The following GALNT16 variants were observed in gnomAD, a reference collection of about 807,000 sequenced individuals.
GALNT16 encodes the protein polypeptide N-acetylgalactosaminyltransferase 16.
Under a neutral mutation model 76.1 loss-of-function variants are expected in GALNT16, and 40 were observed. That is an observed-to-expected ratio of 0.53 (90% confidence interval 0.41 to 0.68). The LOEUF is 0.68. Among genes scored for constraint, GALNT16 ranks in the 30% least tolerant of loss-of-function variants. The probability of loss-of-function intolerance (pLI) is 0.00; values close to 1 mark genes in which losing one functional copy is unlikely to be tolerated. For synonymous variants in GALNT16, 276 were observed against 285.2 expected, an observed-to-expected ratio of 0.97 and a Z score of 0.32; for missense variants, 621 against 731.9, an observed-to-expected ratio of 0.85 and a Z score of 1.75.
chr14:69,339,698 C>G (rs562472160), intron 11 of GALNT16, 79 bp downstream of exon 11: 3 of 856,896 alleles, frequency 3.5e-6, no homozygotes, highest in South Asian at 1.7e-5. Context: ...GTGGTATGTA[C>G]GCCAGGGAAC....
Position 69,285,230 on chromosome 14 carries a change from C to T in GALNT16, c.177+24763C>T, listed in dbSNP as rs980859917. Among the ~76,000 whole-genome samples, 18 of 152,068 alleles carry T rather than the reference C, an allele frequency of 1.2e-4. No homozygotes were observed. In the South Asian group the frequency reaches 1.7e-3, roughly 14 times the overall value. ...TAATTTTTTGTATTTTTAGTAGAGA[C>T]GGGGTTTCACCGTGTTAGCCAGGAT... is the stretch of plus-strand genomic sequence containing the variant. On this transcript the variant is annotated intron_variant, in intron 1 of 14. Coordinates refer to ENST00000448469, the MANE Select transcript of GALNT16 (RefSeq NM_001168368.2).
chr14:69,380,491 A>G, the GALNT16 span: 1 of 1,065,062 alleles, frequency 9.4e-7, no homozygotes, highest in South Asian at 1.3e-5. Flanking sequence ...CGCTGTACAC[A>G]CCTGTGTTCC....
intron 12 of GALNT16, 119 bp downstream of exon 12, chr14:69,341,883 G>C: frequency 4.4e-6 from 3 of 685,012 alleles, no homozygotes; most frequent in Middle Eastern, 5.0e-4. Flanking sequence ...CTTTCTAGCT[G>C]CCGGGTTTTA....
chr14:69,340,228 G>A (rs1200779331), intron 11 of GALNT16, among the ~76,000 whole-genome samples: 2 of 152,126 alleles, frequency 1.3e-5, no homozygotes, highest in African/African-American at 2.4e-5. Context: ...ACCTACACAT[G>A]TACAGTTGCC....
chr14:69,310,485 C>T (rs1033790900), intron 1 of GALNT16, among the ~76,000 whole-genome samples: 4 of 152,248 alleles, frequency 2.6e-5, no homozygotes, highest in Admixed American at 1.3e-4. Context: ...TGTTTAACTA[C>T]AGGGTGGGTG....
rs2045444471 is a variant in GALNT16 at position 69,338,654 on chromosome 14, T to C, written c.971T>C (p.Leu324Pro). 1 of 1,612,770 alleles carries C rather than the reference T, an allele frequency of 6.2e-7. No individual in the cohort carries two copies. The highest frequency in any genetic ancestry group is 8.5e-7 in the Non-Finnish European group (1 of 1,179,312). ...MDIWGGENFELSFRVWMCGGS... is the reference protein window; with the variant it reads ...MDIWGGENFEPSFRVWMCGGS... Reference sequence around the variant, plus strand: ...TGACGGCTACTATTTCCTGCAGAGCTCTCCTTCAGGGTGTGGATGTGTGGT... The same window carrying C: ...TGACGGCTACTATTTCCTGCAGAGCCCTCCTTCAGGGTGTGGATGTGTGGT... Residue 324 changes from leucine (L) to proline (P), a missense_variant, in exon 10 of 15, where the codon CTC becomes CCC. Physicochemically the swap from Leu to Pro is moderately conservative, Grantham distance 98. Transcript: ENST00000448469.
intron 1 of GALNT16, among the ~76,000 whole-genome samples, chr14:69,269,486 T>C (rs2044378316): frequency 6.7e-6 from 1 of 148,162 alleles, no homozygotes; most frequent in Non-Finnish European, 1.5e-5. Flanking sequence ...TAGTATGTGA[T>C]GTGTGTGTGT....
At chr14:69,338,627 C>G (rs781191279) in intron 9 of GALNT16, 24 bp from the exon 10 acceptor site, 1 of 1,609,126 alleles carries the variant, frequency 6.2e-7, no homozygotes, top group South Asian at 1.1e-5. Flanking sequence ...CCTTCCTCCT[C>G]CTGACGGCTA....
At chr14:69,326,981 A>G (rs975300151) in intron 5 of GALNT16, among the ~76,000 whole-genome samples, 1 of 152,220 alleles carries the variant, frequency 6.6e-6, no homozygotes, top group Non-Finnish European at 1.5e-5. Context: ...GAGTGAATTG[A>G]GATGATAGAA....
chr14:69,304,975 A>G (rs2044910849), intron 1 of GALNT16, among the ~76,000 whole-genome samples: 1 of 152,074 alleles, frequency 6.6e-6, no homozygotes, highest in South Asian at 2.1e-4. Flanking sequence ...ATTCTTTTGG[A>G]TAAATACCCA....
chr14:69,334,724 C>G (rs1178068280), intron 9 of GALNT16, among the ~76,000 whole-genome samples: 1 of 152,158 alleles, frequency 6.6e-6, no homozygotes, highest in Non-Finnish European at 1.5e-5. Context: ...GGGCTAAACA[C>G]TCACCCTCAC....
rs766430676 is a variant in GALNT16, at chr14:69,324,780, A to G, written c.424A>G (p.Thr142Ala). The change falls in exon 3 of 15, where the codon ACA becomes GCA. Residue 142 changes from threonine to alanine, a missense_variant. Thr to Ala is a moderately conservative substitution (Grantham distance 58). Coordinates refer to ENST00000448469, the MANE Select transcript of GALNT16 (RefSeq NM_001168368.2). The stretch of plus-strand genomic sequence containing the variant: ...TGAGGCCCGTTCCACCCTGCTGCGC[A>G]CAGTGAAGAGGTAAGTCCAGCCATG... ...HNEARSTLLR[T>A]VKSVLNRTPA... is the part of the protein sequence containing the mutation. 7.5e-6 allele frequency: 12 copies of G among 1,606,698 alleles called. No individual in the cohort carries two copies. The South Asian group carries it at 1.1e-4, about 15-fold the overall frequency.
chr14:69,260,569 C>T (rs61980290), intron 1 of GALNT16, 102 bp downstream of exon 1: 1 of 769,234 alleles, frequency 1.3e-6, no homozygotes, highest in Non-Finnish European at 1.7e-6. Flanking sequence ...GGGCTGAGTG[C>T]CCGCTGCGCC....
rs116628768 is a variant in GALNT16 at position 69,297,004 on chromosome 14, G to A, written c.178-23707G>A. Among the ~76,000 whole-genome samples the A allele has an allele frequency of 5.7e-3, 874 of 152,084 alleles. 8 individuals carry two copies. Among genetic ancestry groups the A allele is most frequent in the African/African-American group, 0.019 (776 of 41,482 alleles). On this transcript the variant is annotated intron_variant, in intron 1 of 14. Coordinates refer to ENST00000448469, the MANE Select transcript of GALNT16 (RefSeq NM_001168368.2). Reference sequence around the variant, plus strand: ...CATTTTTACAGCTACATATTATTTCGTTGTGTAGCTATACCATAAGTTATT... The same window carrying A: ...CATTTTTACAGCTACATATTATTTCATTGTGTAGCTATACCATAAGTTATT...
intron 1 of GALNT16, among the ~76,000 whole-genome samples, chr14:69,275,547 A>G (rs1210246464): frequency 6.6e-6 from 1 of 152,230 alleles, no homozygotes; most frequent in Non-Finnish European, 1.5e-5. Flanking sequence ...ATGCGCACAT[A>G]TACATCTCAA....
intron 1 of GALNT16, among the ~76,000 whole-genome samples, chr14:69,303,041 T>C (rs2044875969): frequency 6.6e-6 from 1 of 152,214 alleles, no homozygotes; most frequent in African/African-American, 2.4e-5. Context: ...AGCATGTATC[T>C]TTGTACCTAC....
At chr14:69,368,667 T>C in the GALNT16 span, among the ~76,000 whole-genome samples, 2 of 152,176 alleles carry the variant, frequency 1.3e-5, no homozygotes, top group Non-Finnish European at 2.9e-5. Context: ...AGGGCTTGAC[T>C]ACCAGGAGGC....
At chr14:69,332,954 G>A (rs1048219979) in intron 7 of GALNT16, 131 bp from the exon 8 acceptor site, 4 of 711,800 alleles carry the variant, frequency 5.6e-6, no homozygotes, top group African/African-American at 1.8e-5. Flanking sequence ...GGCTCATTCC[G>A]AATGAAGGAG....
At chr14:69,365,069 G>T in the GALNT16 span, among the ~76,000 whole-genome samples, 1 of 152,140 alleles carries the variant, frequency 6.6e-6, no homozygotes, top group Admixed American at 6.5e-5. Flanking sequence ...CTTAATCTAT[G>T]CTGTTTCTGT....
Sources: allele counts gnomAD v4.1 joint callset (sites outside exome capture counted in the v4.1 genomes callset), GRCh38; gene constraint gnomAD v4.1.1; transcripts MANE v1.5; gene names NCBI Gene and HGNC (gene_info 2026-07-23, HGNC 2026-07-21).